The following NTM variants were observed in gnomAD, a reference collection of about 807,000 sequenced individuals.
NTM encodes the protein IgLON family member 2.
In NTM, 13 loss-of-function variants were observed where a neutral mutation model predicts 42.1. The ratio of observed to expected loss-of-function variants is 0.31; its 90% CI spans 0.20 to 0.49. The LOEUF (loss-of-function observed/expected upper bound fraction) is 0.49, where lower values mean the gene tolerates loss of function less well. NTM is among the 20% of genes least tolerant of loss of function. NTM has a pLI of 0.99. For missense variants in NTM, 373 were observed against 452.8 expected (o/e 0.82, Z 1.60); for synonymous variants, 187 against 179.2 (o/e 1.04, Z -0.35).
intron 2 of NTM, among the ~76,000 whole-genome samples, chr11:131,955,986 G>A (rs987509450): frequency 6.6e-6 from 1 of 152,208 alleles, no homozygotes; most frequent in Admixed American, 6.5e-5. Flanking sequence ...GGCAGAGGCT[G>A]AGTAGAGGTA....
At chr11:131,460,583 C>T (rs141808681) in intron 1 of NTM, among the ~76,000 whole-genome samples, 56 of 152,182 alleles carry the variant, frequency 3.7e-4, no homozygotes, top group African/African-American at 1.3e-3. Context: ...GATGGAGTCT[C>T]GCTCTGTCGC....
chr11:131,932,703 G>T (rs1001206862), intron 2 of NTM, among the ~76,000 whole-genome samples: 1 of 152,188 alleles, frequency 6.6e-6, no homozygotes, highest in Non-Finnish European at 1.5e-5. Flanking sequence ...GCAGGCGTTG[G>T]TCATCAGTAT....
intron 1 of NTM, among the ~76,000 whole-genome samples, chr11:131,632,036 C>T (rs147316620): frequency 6.6e-6 from 1 of 152,204 alleles, no homozygotes; most frequent in African/African-American, 2.4e-5. Context: ...ACCCATTATT[C>T]TGAAACAATT....
chr11:132,038,542 A>G (rs1439947935), intron 2 of NTM, among the ~76,000 whole-genome samples: 1 of 152,068 alleles, frequency 6.6e-6, no homozygotes. Flanking sequence ...GTGAGATTGG[A>G]GTTTCCTCCT....
intron 1 of NTM, among the ~76,000 whole-genome samples, chr11:131,593,505 A>G (rs1019997853): frequency 2.1e-4 from 32 of 152,122 alleles, no homozygotes; most frequent in Non-Finnish European, 1.8e-4. Flanking sequence ...GCCAAGTGTA[A>G]AGGCTCCCCT....
At chr11:131,999,689 C>G (rs1260628313) in intron 2 of NTM, among the ~76,000 whole-genome samples, 1 of 152,188 alleles carries the variant, frequency 6.6e-6, no homozygotes, top group African/African-American at 2.4e-5. Context: ...GAGCCTTGTT[C>G]TTTTCTTAAA....
chr11:132,057,864 C>A (rs1200377595), intron 2 of NTM, among the ~76,000 whole-genome samples: 1 of 152,178 alleles, frequency 6.6e-6, no homozygotes, highest in Non-Finnish European at 1.5e-5. Context: ...TGTGCCTCAT[C>A]AGCTTCCTCT....
chr11:131,475,466 G>C (rs747212655), intron 1 of NTM, among the ~76,000 whole-genome samples: 3 of 151,932 alleles, frequency 2.0e-5, no homozygotes, highest in African/African-American at 7.3e-5. Context: ...CGGCAAAATG[G>C]GACATGAAAT....
chr11:132,286,714 G>A (rs2094250422), intron 4 of NTM, among the ~76,000 whole-genome samples: 1 of 152,206 alleles, frequency 6.6e-6, no homozygotes, highest in Admixed American at 6.5e-5. Flanking sequence ...CCCCCTGTGG[G>A]GAGGGGCCAG....
chr11:131,484,026 T>C (rs777188376), intron 1 of NTM, among the ~76,000 whole-genome samples: 1 of 152,204 alleles, frequency 6.6e-6, no homozygotes, highest in Non-Finnish European at 1.5e-5. Context: ...CGCCCTAATT[T>C]TCTTTGTCGG....
chr11:131,985,915 TC>T (rs1282046012), intron 2 of NTM, among the ~76,000 whole-genome samples: 2 of 152,196 alleles, frequency 1.3e-5, no homozygotes, highest in Non-Finnish European at 2.9e-5. Flanking sequence ...TAGTGAGTGT[TC>T]CACGAGTGTT....
chr11:131,896,191 A>G (rs1211246591), intron 1 of NTM, among the ~76,000 whole-genome samples: 5 of 152,186 alleles, frequency 3.3e-5, no homozygotes, highest in Non-Finnish European at 7.3e-5. Context: ...TTCTAACATA[A>G]AAATCATTGA....
At position 132,176,975 on chromosome 11, in the gene NTM, T is replaced by C. The variant is rs187923630; in HGVS notation, c.400+30461T>C. Among the ~76,000 whole-genome samples, 24 of 152,148 alleles carry C rather than the reference T, an allele frequency of 1.6e-4. No individual in the cohort carries two copies. The East Asian group carries it at 4.5e-3, about 28-fold the overall frequency. ...AACTCCTAACCTCAGGTGATCCACC[T>C]GCCTTGGCCTCCCAAAGTGCCAAAG... On this transcript the variant is annotated intron_variant, in intron 3 of 8. Coordinates refer to ENST00000683400, the MANE Select transcript of NTM (RefSeq NM_001352005.2).
intron 2 of NTM, among the ~76,000 whole-genome samples, chr11:132,105,246 C>T (rs982787477): frequency 4.0e-5 from 6 of 151,774 alleles, no homozygotes; most frequent in South Asian, 4.2e-4. Context: ...GATGGAACGC[C>T]GTTTCCTGAA....
intron 1 of NTM, among the ~76,000 whole-genome samples, chr11:131,384,315 A>T (rs1196133601): frequency 1.3e-5 from 2 of 152,238 alleles, no homozygotes; most frequent in Non-Finnish European, 1.5e-5. Flanking sequence ...GGACAAATAC[A>T]TAGGAGAAAA....
intron 1 of NTM, among the ~76,000 whole-genome samples, chr11:131,780,608 T>G (rs917386774): frequency 1.3e-5 from 2 of 152,176 alleles, no homozygotes; most frequent in Non-Finnish European, 2.9e-5. Flanking sequence ...TAATTTCTAT[T>G]CAATGTTGTT....
At chr11:131,664,761 T>G (rs966808640) in intron 1 of NTM, among the ~76,000 whole-genome samples, 4 of 8,218 alleles carry the variant, frequency 4.9e-4, no homozygotes, top group East Asian at 0.011. Context: ...TTGTTTTTTT[T>G]TTTTTTTTTT....
At chr11:132,316,694 T>A (rs983182517) in intron 7 of NTM, among the ~76,000 whole-genome samples, 15 of 152,124 alleles carry the variant, frequency 9.9e-5, no homozygotes, top group African/African-American at 3.6e-4. Context: ...GAGGAGTCCA[T>A]CACTAGCAAT....
At chr11:132,221,652 C>T (rs1011282656) in intron 4 of NTM, among the ~76,000 whole-genome samples, 1 of 152,182 alleles carries the variant, frequency 6.6e-6, no homozygotes, top group Non-Finnish European at 1.5e-5. Flanking sequence ...ACATTTCCTC[C>T]AGGTGATTGT....
Sources: allele counts gnomAD v4.1 joint callset (sites outside exome capture counted in the v4.1 genomes callset), GRCh38; gene constraint gnomAD v4.1.1; transcripts MANE v1.5; gene names NCBI Gene and HGNC (gene_info 2026-07-23, HGNC 2026-07-21).